STAU2: variants seen among roughly 807,000 people sequenced by gnomAD.
STAU2 encodes the protein staufen double-stranded RNA binding protein 2.
A neutral mutation model predicts 65.9 loss-of-function variants in STAU2; 20 were observed. The observed-to-expected ratio is 0.30, with a 90% confidence interval of 0.21 to 0.44. The LOEUF is 0.44. Among genes scored for constraint, STAU2 ranks in the 20% least tolerant of loss-of-function variants. The pLI, the probability that STAU2 is intolerant of heterozygous loss-of-function variation, is 1.00. For missense variants in STAU2, 558 were observed against 683.9 expected (o/e 0.82, Z 2.05); for synonymous variants, 232 against 233.9 (o/e 0.99, Z 0.07).
rs138655656 is a variant in STAU2, at chr8:73,453,599, C to A, written c.1531-30897G>T. ...CAAACCAAACTGGTGAAAATTGGCA[C>A]GAGTGCTTAGGTGCTTTGAGGCCTG... On this transcript the variant is annotated intron_variant, in intron 13 of 14. Coordinates refer to ENST00000524300, the MANE Select transcript of STAU2 (RefSeq NM_001164380.2). 3.2e-4 allele frequency among the ~76,000 whole-genome samples: 49 copies of A among 152,260 alleles called. No individual in the cohort carries two copies. In the East Asian group the frequency reaches 7.9e-3, roughly 25 times the overall value.
At position 73,580,040 on chromosome 8, in the gene STAU2, CCT is replaced by C. The variant is rs564258718; in HGVS notation, c.1222+2728_1222+2729del. On this transcript the variant is annotated intron_variant, in intron 12 of 14. Transcript: ENST00000524300. Reference sequence around the variant, plus strand: ...AGGTGCTATGCCAGATTAAAATTCCCCTCTTTCCCCTTTCCAATTCTACATTC... The same window carrying C: ...AGGTGCTATGCCAGATTAAAATTCCCCTTTCCCCTTTCCAATTCTACATTC... 1.8e-4 allele frequency among the ~76,000 whole-genome samples: 27 copies of C among 152,148 alleles called. 1 individual carries two copies. The South Asian group carries it at 5.6e-3, about 32-fold the overall frequency.
At chr8:73,710,572 A>G (rs1479203517) in intron 3 of STAU2, among the ~76,000 whole-genome samples, 5 of 152,074 alleles carry the variant, frequency 3.3e-5, no homozygotes, top group Non-Finnish European at 7.4e-5. Flanking sequence ...TGTGAGATTA[A>G]GAGTTGTAAA....
rs566890123 is a variant in STAU2, at chr8:73,677,837, A to G, written c.275-4595T>C. Among the ~76,000 whole-genome samples, 14 of 152,280 alleles carry G rather than the reference A, an allele frequency of 9.2e-5. No homozygotes were observed. The East Asian group carries it at 9.7e-4, about 11-fold the overall frequency. On this transcript the variant is annotated intron_variant, in intron 5 of 14. Coordinates refer to ENST00000524300, the MANE Select transcript of STAU2 (RefSeq NM_001164380.2). ...AATCGATTCATTCTCTCAGCTTACTATAACACTCAACCATGGAAATTCTTA... is the reference window on the plus strand; with the variant it reads ...AATCGATTCATTCTCTCAGCTTACTGTAACACTCAACCATGGAAATTCTTA...
intron 5 of STAU2, among the ~76,000 whole-genome samples, chr8:73,683,627 A>G (rs1052793573): frequency 1.3e-5 from 2 of 152,184 alleles, no homozygotes; most frequent in African/African-American, 2.4e-5. Flanking sequence ...GACAAGAGAA[A>G]GAAATAAAGG....
At chr8:73,510,362 G>A (rs138340798) in intron 13 of STAU2, among the ~76,000 whole-genome samples, 5 of 152,200 alleles carry the variant, frequency 3.3e-5, no homozygotes, top group South Asian at 2.1e-4. Context: ...GAGCCACCGC[G>A]CCTGGCCAGA....
intron 13 of STAU2, among the ~76,000 whole-genome samples, chr8:73,467,070 A>G (rs1819698526): frequency 6.6e-6 from 1 of 152,226 alleles, no homozygotes. Context: ...GAATATGCAC[A>G]CACCTCTTTC....
chr8:73,687,352 T>TATATTTATAAATATAAATTATATTTATAA (rs1818970367), intron 5 of STAU2, among the ~76,000 whole-genome samples: 2 of 36,782 alleles, frequency 5.4e-5, no homozygotes, highest in African/African-American at 2.9e-4. Flanking sequence ...ATTTATAATT[T>TATATTTATAAATATAAATTATATTTATAA]ATATAATATA....
At chr8:73,603,157 A>G (rs1285937651) in intron 10 of STAU2, among the ~76,000 whole-genome samples, 1 of 152,166 alleles carries the variant, frequency 6.6e-6, no homozygotes, top group Non-Finnish European at 1.5e-5. Context: ...TGAAAAGGAG[A>G]GCATTTTAGG....
intron 13 of STAU2, among the ~76,000 whole-genome samples, chr8:73,497,013 T>C (rs923649141): frequency 4.0e-5 from 6 of 151,740 alleles, no homozygotes; most frequent in Admixed American, 1.3e-4. Context: ...AAATCATAGA[T>C]CAAATGCTTC....
chr8:73,435,088 T>C (rs898103681), intron 13 of STAU2, among the ~76,000 whole-genome samples: 3 of 151,752 alleles, frequency 2.0e-5, no homozygotes, highest in Admixed American at 6.6e-5. Flanking sequence ...CCAGCTGGTA[T>C]GGAGATGCCC....
At chr8:73,535,334 T>C (rs1199979854) in intron 13 of STAU2, among the ~76,000 whole-genome samples, 1 of 152,168 alleles carries the variant, frequency 6.6e-6, no homozygotes, top group Non-Finnish European at 1.5e-5. Flanking sequence ...CACGCCTGGC[T>C]AATTTTTTGT....
intron 3 of STAU2, among the ~76,000 whole-genome samples, chr8:73,717,574 G>A (rs554068492): frequency 3.9e-5 from 6 of 152,146 alleles, no homozygotes; most frequent in Non-Finnish European, 8.8e-5. Flanking sequence ...TACATATAAG[G>A]AGTTTATTTC....
intron 4 of STAU2, among the ~76,000 whole-genome samples, chr8:73,696,676 T>C (rs1413597836): frequency 6.6e-6 from 1 of 152,114 alleles, no homozygotes; most frequent in African/African-American, 2.4e-5. Context: ...TATTTGAAAT[T>C]ACACAGTTAG....
chr8:73,674,716 A>T (rs989840482), intron 5 of STAU2, among the ~76,000 whole-genome samples: 5 of 145,848 alleles, frequency 3.4e-5, no homozygotes, highest in South Asian at 2.2e-4. Flanking sequence ...TATATATATA[A>T]AATATACATA....
rs903882443 is a variant in STAU2 at position 73,574,967 on chromosome 8, G to A, written c.1222+7803C>T. Reference sequence around the variant, plus strand: ...AGAAATGTTTTTAATTTCAGAGTCGGAAAGGTATTATTTATTATACCCAAC... The same window carrying A: ...AGAAATGTTTTTAATTTCAGAGTCGAAAAGGTATTATTTATTATACCCAAC... On this transcript the variant is annotated intron_variant, in intron 12 of 14. Coordinates refer to ENST00000524300, the MANE Select transcript of STAU2 (RefSeq NM_001164380.2). Among the ~76,000 whole-genome samples the A allele has an allele frequency of 5.3e-5, 8 of 151,214 alleles. No homozygotes were observed. The East Asian group carries it at 1.4e-3, about 26-fold the overall frequency.
intron 13 of STAU2, among the ~76,000 whole-genome samples, chr8:73,428,158 A>G (rs574112012): frequency 2.3e-4 from 35 of 152,252 alleles, no homozygotes; most frequent in African/African-American, 7.5e-4. Flanking sequence ...TGTACCCACC[A>G]CTGTACTCTC....
chr8:73,607,141 CTA>C (rs1812079501), intron 9 of STAU2, among the ~76,000 whole-genome samples: 1 of 152,094 alleles, frequency 6.6e-6, no homozygotes, highest in African/African-American at 2.4e-5. Flanking sequence ...ACAAGTCACT[CTA>C]TGTCAATTAT....
At chr8:73,582,139 A>C (rs1292429910) in intron 12 of STAU2, among the ~76,000 whole-genome samples, 1 of 152,212 alleles carries the variant, frequency 6.6e-6, no homozygotes, top group Non-Finnish European at 1.5e-5. Context: ...CATTTGAAAA[A>C]AATTAGTAAA....
chr8:73,720,766 C>A (rs1297727111), intron 3 of STAU2, among the ~76,000 whole-genome samples: 2 of 80,474 alleles, frequency 2.5e-5, no homozygotes, highest in Admixed American at 2.2e-4. Context: ...CCCGCCTCGG[C>A]CTCCCAAAGT....
Sources: gnomAD v4.1 joint callset for allele counts (sites outside exome capture counted in the v4.1 genomes callset) on GRCh38, gnomAD v4.1.1 for gene constraint, MANE v1.5 for transcripts, NCBI Gene and HGNC (gene_info 2026-07-23, HGNC 2026-07-21) for gene names.